Variants in NFAM1 observed in about 807,000 individuals in gnomAD.
The protein encoded by NFAM1 is NFAT activation molecule 1.
A neutral mutation model predicts 29.0 loss-of-function variants in NFAM1; 17 were observed. The ratio of observed to expected loss-of-function variants is 0.59; its 90% CI spans 0.40 to 0.88. The LOEUF is 0.88. NFAM1 is among the 40% of genes least tolerant of loss of function. The probability of loss-of-function intolerance (pLI) is 0.00; values close to 1 mark genes in which losing one functional copy is unlikely to be tolerated. For missense variants in NFAM1, 324 were observed against 344.6 expected (o/e 0.94, Z 0.47); for synonymous variants, 175 against 147.2 (o/e 1.19, Z -1.36).
upstream of NFAM1, among the ~76,000 whole-genome samples, chr22:42,435,641 C>T (rs1391373081): frequency 6.6e-6 from 1 of 151,994 alleles, no homozygotes; most frequent in Non-Finnish European, 1.5e-5. Context: ...GCCACTTTGC[C>T]CAGCTGGTCT....
intron 1 of NFAM1, 117 bp downstream of exon 1, chr22:42,432,120 G>A (rs1419937777): frequency 4.3e-6 from 4 of 940,506 alleles, no homozygotes; most frequent in East Asian, 5.3e-5. Context: ...GCGTTCAAAC[G>A]ACAACCAGCA....
At chr22:42,396,868 G>A (rs1929542609) in intron 4 of NFAM1, among the ~76,000 whole-genome samples, 1 of 152,202 alleles carries the variant, frequency 6.6e-6, no homozygotes, top group African/African-American at 2.4e-5. Flanking sequence ...AGTCAATGTT[G>A]TGGGAACAGA....
upstream of NFAM1, among the ~76,000 whole-genome samples, chr22:42,432,899 C>T (rs56307225): frequency 0.012 from 1,843 of 152,120 alleles, 20 homozygotes; most frequent in Non-Finnish European, 0.018. Context: ...GGGCCAAACA[C>T]CCAGGGCAGG....
At chr22:42,424,356 G>A (rs1930551490) in intron 1 of NFAM1, among the ~76,000 whole-genome samples, 1 of 151,878 alleles carries the variant, frequency 6.6e-6, no homozygotes, top group South Asian at 2.1e-4. Context: ...CAGAGCTTGC[G>A]ATGAACCGAG....
intron 4 of NFAM1, among the ~76,000 whole-genome samples, chr22:42,395,881 CAA>C (rs60278301): frequency 1.3e-4 from 12 of 93,794 alleles, no homozygotes; most frequent in African/African-American, 2.6e-4. Flanking sequence ...AGACTCTGCT[CAA>C]AAAAAAAAAA....
chr22:42,430,468 G>A (rs9623593), intron 1 of NFAM1, among the ~76,000 whole-genome samples: 2,105 of 149,282 alleles, frequency 0.014, 56 homozygotes, highest in African/African-American at 0.05. Flanking sequence ...GCTGAGGCAG[G>A]AGAATCACTT....
At chr22:42,418,520 C>T (rs1377336496) in intron 1 of NFAM1, among the ~76,000 whole-genome samples, 1 of 152,108 alleles carries the variant, frequency 6.6e-6, no homozygotes, top group Non-Finnish European at 1.5e-5. Flanking sequence ...GGTGAAACCC[C>T]TTCTATACTA....
rs375736831 is a variant in NFAM1 at position 42,419,101 on chromosome 22, G to A, written c.122-7365C>T. 4.1e-4 allele frequency among the ~76,000 whole-genome samples: 63 copies of A among 152,304 alleles called. No individual in the cohort carries two copies. In the East Asian group the frequency reaches 9.3e-3, roughly 22 times the overall value. On this transcript the variant is annotated intron_variant, in intron 1 of 5. Coordinates refer to ENST00000329021, the MANE Select transcript of NFAM1 (RefSeq NM_145912.8). This position sits in a 1 kb window ranked among gnomAD's most constrained non-coding sequence, Gnocchi z 4.5. ...ACACCTGGCGCGGGGACCACATGCC[G>A]AGTGAGTCCCTGGCGGGGTGTGCCC...
chr22:42,400,180 A>C (rs1929679558), intron 3 of NFAM1, among the ~76,000 whole-genome samples: 1 of 152,250 alleles, frequency 6.6e-6, no homozygotes, highest in Non-Finnish European at 1.5e-5. Context: ...TCCTCTGCTT[A>C]GTTAGAACGT....
chr22:42,410,658 CAA>C (rs35345430), intron 2 of NFAM1, among the ~76,000 whole-genome samples: 102 of 118,976 alleles, frequency 8.6e-4, no homozygotes, highest in East Asian at 3.4e-3. Flanking sequence ...GACTCTGTCT[CAA>C]AAAAAAAAAA....
chr22:42,419,198 C>G lies in NFAM1; in HGVS notation c.122-7462G>C, dbSNP rs1339744305. Among the ~76,000 whole-genome samples, 3 of 152,076 alleles carry G rather than the reference C, an allele frequency of 2.0e-5. No homozygotes were observed. Among genetic ancestry groups the G allele is most frequent in the Non-Finnish European group, 4.4e-5 (3 of 68,006 alleles). ...TGTTCAGGATCAGACCTGCCCACCA[C>G]CTGCACAACGCCCCCATCCCTCCAA... On this transcript the variant is annotated intron_variant, in intron 1 of 5. Coordinates refer to ENST00000329021, the MANE Select transcript of NFAM1 (RefSeq NM_145912.8). The surrounding 1 kb of genome is among the most constrained non-coding windows in gnomAD (Gnocchi z 4.5).
rs1329574418 is a variant in NFAM1, at chr22:42,388,365, G to A, written c.664-1287C>T. Among the ~76,000 whole-genome samples, 1 of 152,210 alleles carries A rather than the reference G, an allele frequency of 6.6e-6. No homozygotes were observed. Among genetic ancestry groups the A allele is most frequent in the Admixed American group, 6.5e-5 (1 of 15,276 alleles). The stretch of plus-strand genomic sequence containing the variant: ...ACACACAGTCAGGGAAGTAGTAGGT[G>A]CTTAATAAACTGCTGTTGAATGGTC... On this transcript the variant is annotated intron_variant, in intron 4 of 5. Coordinates refer to ENST00000329021, the MANE Select transcript of NFAM1 (RefSeq NM_145912.8). The surrounding 1 kb of genome is among the most constrained non-coding windows in gnomAD (Gnocchi z 4.1).
intron 4 of NFAM1, among the ~76,000 whole-genome samples, chr22:42,391,606 C>T (rs1297425374): frequency 1.3e-5 from 2 of 152,006 alleles, no homozygotes; most frequent in Non-Finnish European, 2.9e-5. Context: ...AAGGATGGAG[C>T]AGCGATGAGG....
chr22:42,432,425 C>T, upstream of NFAM1: 1 of 1,465,998 alleles, frequency 6.8e-7, no homozygotes, highest in Non-Finnish European at 9.0e-7. Context: ...TGACAGCTTC[C>T]CCTTTGCTTT....
intron 1 of NFAM1, among the ~76,000 whole-genome samples, chr22:42,421,128 C>T (rs950613550): frequency 2.6e-5 from 4 of 152,076 alleles, no homozygotes; most frequent in African/African-American, 9.7e-5. Flanking sequence ...AGGAATGCAC[C>T]GTGGAAAACT....
intron 3 of NFAM1, among the ~76,000 whole-genome samples, chr22:42,405,631 T>A (rs566898241): frequency 6.6e-6 from 1 of 152,190 alleles, no homozygotes; most frequent in South Asian, 2.1e-4. Flanking sequence ...AGCCAGTGGG[T>A]CTCCATCCTA....
chr22:42,409,358 G>A lies in NFAM1; in HGVS notation c.564+77C>T, dbSNP rs1267066340. 6 of 732,878 alleles carry A rather than the reference G, an allele frequency of 8.2e-6. No homozygotes were observed. The highest frequency in any genetic ancestry group is 2.7e-4 in the Middle Eastern group (1 of 3,648). 45.4% of individuals were successfully genotyped at this position (732,878 alleles called of 1,614,324 possible). Reference sequence around the variant, plus strand: ...GTGCCCTCACCAGGGCCCACCAAACGCCCTGCAGAGGGCAGGCGGGCAGCC... The same window carrying A: ...GTGCCCTCACCAGGGCCCACCAAACACCCTGCAGAGGGCAGGCGGGCAGCC... On this transcript the variant is annotated intron_variant, in intron 3 of 5. Coordinates refer to ENST00000329021, the MANE Select transcript of NFAM1 (RefSeq NM_145912.8). This position sits in a 1 kb window ranked among gnomAD's most constrained non-coding sequence, Gnocchi z 4.9.
Position 42,409,575 on chromosome 22 carries a change from G to A in NFAM1, c.452-28C>T. The A allele has an allele frequency of 4.1e-6, 5 of 1,206,592 alleles. No homozygotes were observed. The South Asian group carries it at 4.9e-5, about 12-fold the overall frequency. The allele number at this position is 1,206,592 out of a possible 1,614,324, so 74.7% of individuals were successfully genotyped here. ...AGGAGGAAGCGCAGGGGAGCAGAGG[G>A]GTCAGTGACCCAGGAGAAAGCGGGG... is the stretch of plus-strand genomic sequence containing the variant. On this transcript the variant is annotated intron_variant, in intron 2 of 5. Transcript: ENST00000329021. This position sits in a 1 kb window ranked among gnomAD's most constrained non-coding sequence, Gnocchi z 4.9.
At chr22:42,420,552 G>A (rs1047454571) in intron 1 of NFAM1, among the ~76,000 whole-genome samples, 2 of 152,002 alleles carry the variant, frequency 1.3e-5, no homozygotes, top group Non-Finnish European at 2.9e-5. Flanking sequence ...GATCACTAGA[G>A]GTCAGGAGTT....
Sources: allele counts gnomAD v4.1 joint callset (sites outside exome capture counted in the v4.1 genomes callset), GRCh38; gene constraint gnomAD v4.1.1; non-coding constraint Gnocchi (gnomAD v3.1); transcripts MANE v1.5; gene names NCBI Gene and HGNC (gene_info 2026-07-23, HGNC 2026-07-21).